The following KLHL36 variants were observed in gnomAD, a reference collection of about 807,000 sequenced individuals.
KLHL36 encodes kelch like family member 36.
KLHL36 carries 35 observed loss-of-function variants against 53.3 expected under a neutral mutation model. The ratio of observed to expected loss-of-function variants is 0.66; its 90% confidence interval spans 0.50 to 0.87. The LOEUF is 0.87. Among genes scored for constraint, KLHL36 ranks in the 40% least tolerant of loss-of-function variants. The pLI is 0.00. For synonymous variants in KLHL36, 472 were observed against 398.9 expected (o/e 1.18, Z -2.18); for missense variants, 864 against 897.6 (o/e 0.96, Z 0.48).
At position 84,657,398 on chromosome 16, in the gene KLHL36, G is replaced by A. The variant is rs747141323; in HGVS notation, c.591G>A (p.Leu197=). The A allele has an allele frequency of 1.2e-6, 2 of 1,607,814 alleles. No homozygotes were observed. The highest frequency in any genetic ancestry group is 3.3e-5 in the Admixed American group (2 of 60,026). ...NVSMQKLCVY[L]SSSEVQRECE... ...CCATGCAGAAGCTGTGTGTCTACCT[G>A]AGCAGCAGCGAGGTGCAGCGGGAGT... The change falls in exon 3 of 5, where the codon CTG becomes CTA. Residue 197 remains leucine, a synonymous_variant. Transcript: ENST00000564996.
chr16:84,660,209 C>A (rs1907467613), intron 4 of KLHL36, among the ~76,000 whole-genome samples: 1 of 152,158 alleles, frequency 6.6e-6, no homozygotes, highest in African/African-American at 2.4e-5. Flanking sequence ...ACCTGAGGAT[C>A]TCCCTGAGCT....
intron 4 of KLHL36, among the ~76,000 whole-genome samples, chr16:84,660,920 C>T (rs2150728586): frequency 6.6e-6 from 1 of 152,302 alleles, no homozygotes; most frequent in Admixed American, 6.5e-5. Flanking sequence ...CTGCACCTGG[C>T]CATATTGATC....
chr16:84,653,058 G>C (rs995723476), intron 2 of KLHL36, among the ~76,000 whole-genome samples: 4 of 152,074 alleles, frequency 2.6e-5, no homozygotes, highest in Admixed American at 2.0e-4. Context: ...CTCTACAAAA[G>C]ATACAAAAAT....
In KLHL36 at chr16:84,662,139, G is replaced by C. The variant is rs1438986220; in HGVS notation, c.*6G>C. 2 of 1,516,622 alleles carry C rather than the reference G, an allele frequency of 1.3e-6. No individual in the cohort carries two copies. The highest frequency in any genetic ancestry group is 4.0e-5 in the Admixed American group (2 of 50,264). The allele number at this position is 1,516,622 out of a possible 1,614,324, so 93.9% of individuals were successfully genotyped here. A position where few individuals can be genotyped will look rare whatever the true frequency, so the allele number is the denominator to read the frequency against. ...ACCAGGACCGGGGCCAGTGACCCTAGCTGCGCCTCTTGGGACCATCCTCAC... is the reference window on the plus strand; with the variant it reads ...ACCAGGACCGGGGCCAGTGACCCTACCTGCGCCTCTTGGGACCATCCTCAC... On this transcript the variant is annotated 3_prime_UTR_variant, in exon 5 of 5. Transcript: ENST00000564996.
rs149485033 is a variant in KLHL36 at position 84,661,795 on chromosome 16, A to C, written c.1513A>C (p.Ile505Leu). The C allele has an allele frequency of 1.9e-6, 3 of 1,612,096 alleles. No individual in the cohort carries two copies. Among genetic ancestry groups the C allele is most frequent in the Non-Finnish European group, 1.7e-6 (2 of 1,178,716 alleles). ...CTCCATCGGGGGCAGCGATGACAAC[A>C]TCGAGTCCATGGAGCGCTTCGACGT... The part of the protein sequence containing the change: ...IYSIGGSDDN[I>L]ESMERFDVLG... Residue 505 changes from isoleucine to leucine, a missense_variant, in exon 5 of 5, where the codon ATC becomes CTC. Coordinates refer to ENST00000564996, the MANE Select transcript of KLHL36 (RefSeq NM_024731.4). The surrounding 1 kb of genome is among the most constrained non-coding windows in gnomAD (Gnocchi z 7.9).
chr16:84,660,099 C>G (rs1907460982), intron 4 of KLHL36, among the ~76,000 whole-genome samples, 182 bp downstream of exon 4: 1 of 152,108 alleles, frequency 6.6e-6, no homozygotes, highest in Non-Finnish European at 1.5e-5. Flanking sequence ...AGTCCGGGCT[C>G]CGGTTTCAGA....
chr16:84,650,928 A>G lies in KLHL36; in HGVS notation c.61A>G (p.Lys21Glu). ...SRPYKISESS[K>E]VYRWADHSST... ...GCCATACAAGATCAGCGAATCATCA[A>G]AGGTCTGTGAATGTTCACTCACCAC... Residue 21 changes from lysine to glutamate, a missense_variant and splice_region_variant, in exon 2 of 5, where the codon AAG becomes GAG. Physicochemically the swap from Lys to Glu is moderately conservative, Grantham distance 56. Coordinates refer to ENST00000564996, the MANE Select transcript of KLHL36 (RefSeq NM_024731.4). The G allele has an allele frequency of 6.2e-7, 1 of 1,609,618 alleles. No homozygotes were observed.
chr16:84,658,711 A>G (rs1476699506), intron 3 of KLHL36: 3 of 152,166 alleles, frequency 2.0e-5, no homozygotes, highest in Non-Finnish European at 4.4e-5. Flanking sequence ...TTCTGCTGGG[A>G]GCGCTCTCCA....
rs759089375 is a variant in KLHL36 at position 84,657,620 on chromosome 16, G to A, written c.813G>A (p.Val271=). Residue 271 remains valine (V), a synonymous_variant, in exon 3 of 5, where the codon GTG becomes GTA. Transcript: ENST00000564996. The part of the protein sequence containing the change: ...ANCEGFIEEA[V]RYHNNLAAQP... ...GCGAGGGCTTCATCGAGGAGGCCGT[G>A]CGCTACCACAACAACCTGGCGGCCC... The A allele has an allele frequency of 1.9e-6, 3 of 1,611,602 alleles. No individual in the cohort carries two copies. Among genetic ancestry groups the A allele is most frequent in the Non-Finnish European group, 2.5e-6 (3 of 1,179,732 alleles).
chr16:84,656,179 G>A (rs556275198), intron 2 of KLHL36, among the ~76,000 whole-genome samples: 1 of 152,148 alleles, frequency 6.6e-6, no homozygotes, highest in Non-Finnish European at 1.5e-5. Flanking sequence ...ACAGGCATGA[G>A]CCACCATGCC....
intron 2 of KLHL36, among the ~76,000 whole-genome samples, chr16:84,656,478 C>G (rs144116841): frequency 6.5e-4 from 99 of 151,412 alleles, no homozygotes; most frequent in African/African-American, 1.9e-3. Context: ...CCATGTTGGC[C>G]AGGCTGCTCT....
intron 2 of KLHL36, among the ~76,000 whole-genome samples, chr16:84,654,060 G>A (rs779198146): frequency 4.6e-5 from 7 of 152,096 alleles, no homozygotes; most frequent in Non-Finnish European, 8.8e-5. Flanking sequence ...GCCGTTCACT[G>A]GGGCTTTCCC....
intron 2 of KLHL36, 136 bp from the exon 3 acceptor site, chr16:84,656,735 C>A: frequency 1.5e-6 from 1 of 663,996 alleles, no homozygotes; most frequent in Non-Finnish European, 2.6e-6. Context: ...GTACTTCCTG[C>A]AGTGCCCTCT....
chr16:84,655,721 A>G (rs1189242202), intron 2 of KLHL36, among the ~76,000 whole-genome samples: 1 of 150,572 alleles, frequency 6.6e-6, no homozygotes, highest in East Asian at 1.9e-4. Flanking sequence ...AAAAAAAAAA[A>G]GTCGAACCAC....
intron 1 of KLHL36, among the ~76,000 whole-genome samples, chr16:84,650,463 C>G (rs1290376974): frequency 1.3e-5 from 2 of 152,002 alleles, no homozygotes; most frequent in Non-Finnish European, 2.9e-5. Flanking sequence ...TCAGCCTGGC[C>G]AAGTATAATC....
rs779193957 is a variant in KLHL36 at position 84,662,270 on chromosome 16, A to G, written c.*137A>G. 3.4e-5 allele frequency: 26 copies of G among 773,696 alleles called. No individual in the cohort carries two copies. Among genetic ancestry groups the G allele is most frequent in the Non-Finnish European group, 4.4e-5 (22 of 498,490 alleles). The allele number at this position is 773,696 out of a possible 1,614,324, so 47.9% of individuals were successfully genotyped here. ...TACTTTTATGATTCTTGGTATTTCT[A>G]TGATATCACAGTAACCAATTAAATA... On this transcript the variant is annotated 3_prime_UTR_variant, in exon 5 of 5. Transcript: ENST00000564996.
At chr16:84,659,509 GAGC>G in intron 3 of KLHL36, 2 of 468,058 alleles carry the variant, frequency 4.3e-6, no homozygotes, top group Non-Finnish European at 3.9e-6. Flanking sequence ...CGGGGGTTCA[GAGC>G]ATCTCCATCC....
chr16:84,662,225 T>A lies in KLHL36; in HGVS notation c.*92T>A. Reference sequence around the variant, plus strand: ...TTCTTAGTATTCCGGAAACATTATGTACAACTTAGCAGCTTTTTTTACTTT... The same window carrying A: ...TTCTTAGTATTCCGGAAACATTATGAACAACTTAGCAGCTTTTTTTACTTT... On this transcript the variant is annotated 3_prime_UTR_variant, in exon 5 of 5. Coordinates refer to ENST00000564996, the MANE Select transcript of KLHL36 (RefSeq NM_024731.4). 1 of 1,164,314 alleles carries A rather than the reference T, an allele frequency of 8.6e-7. No individual in the cohort carries two copies. Among genetic ancestry groups the A allele is most frequent in the Non-Finnish European group, 1.2e-6 (1 of 852,260 alleles). 72.1% of individuals were successfully genotyped at this position (1,164,314 alleles called of 1,614,324 possible).
chr16:84,659,555 CTTTTGGGGAT>C, intron 3 of KLHL36, 195 bp from the exon 4 acceptor site: 6 of 559,820 alleles, frequency 1.1e-5, no homozygotes, highest in Non-Finnish European at 1.9e-5. Context: ...CTCCATCCCA[CTTTTGGGGAT>C]TCAGAGCATC....
Sources: gnomAD v4.1 joint callset for allele counts (sites outside exome capture counted in the v4.1 genomes callset) on GRCh38, gnomAD v4.1.1 for gene constraint, Gnocchi (gnomAD v3.1) non-coding constraint, MANE v1.5 for transcripts, NCBI Gene and HGNC (gene_info 2026-07-23, HGNC 2026-07-21) for gene names.